The following LMCD1 variants were observed in gnomAD, a reference collection of about 807,000 sequenced individuals.
LMCD1 encodes LIM and cysteine rich domains 1, also known as LIM and cysteine-rich domains protein 1.
A neutral mutation model predicts 42.7 loss-of-function variants in LMCD1; 32 were observed. The ratio of observed to expected loss-of-function variants is 0.75; its 90% CI spans 0.57 to 1.01. LMCD1 has a LOEUF of 1.01. LMCD1 is among the 50% of genes least tolerant of loss of function. LMCD1 has a pLI of 0.00. For synonymous variants in LMCD1, 178 were observed against 184.9 expected (o/e 0.96, Z 0.30); for missense variants, 458 against 483.1 (o/e 0.95, Z 0.49).
At position 8,565,568 on chromosome 3, in the gene LMCD1, A is replaced by C; in HGVS notation, c.860A>C (p.Tyr287Ser). 1 of 1,613,904 alleles carries C rather than the reference A, an allele frequency of 6.2e-7. No individual in the cohort carries two copies. The highest frequency in any genetic ancestry group is 8.5e-7 in the Non-Finnish European group (1 of 1,179,966). Residue 287 changes from tyrosine (Y) to serine (S), a missense_variant, in exon 5 of 6, where the codon TAC becomes TCC. Physicochemically the swap from Tyr to Ser is moderately radical, Grantham distance 144. Coordinates refer to ENST00000157600, the MANE Select transcript of LMCD1 (RefSeq NM_014583.4). ...KCSEPLVDLIYFWKDGAPWCG... is the reference protein window; with the variant it reads ...KCSEPLVDLISFWKDGAPWCG... ...TCCGAGCCGCTGGTGGACCTCATCT[A>C]CTTCTGGAAGGATGGTGCACCCTGG...
intron 1 of LMCD1, among the ~76,000 whole-genome samples, chr3:8,524,148 GA>G (rs1354002521): frequency 7.1e-6 from 1 of 140,900 alleles, no homozygotes; most frequent in Non-Finnish European, 1.5e-5. Flanking sequence ...GTGGGAAAGT[GA>G]AAAAAGCCTT....
chr3:8,560,078 A>G (rs7639343), intron 4 of LMCD1, among the ~76,000 whole-genome samples: 38,067 of 151,504 alleles, frequency 0.25, 2,013 homozygotes, highest in East Asian at 0.41. Context: ...CTACAGTGCA[A>G]ATTAGAACCT....
At chr3:8,530,131 G>A (rs1193979773) in intron 1 of LMCD1, among the ~76,000 whole-genome samples, 1 of 152,084 alleles carries the variant, frequency 6.6e-6, no homozygotes, top group Admixed American at 6.6e-5. Flanking sequence ...TTAAAGGCTC[G>A]GGAGCCTCTA....
In LMCD1 at chr3:8,550,885, G is replaced by A. The variant is rs955704514; in HGVS notation, c.723+1982G>A. ...CCAAGAGACATGTGGATCTGACATC[G>A]TGTTTTATTCTTGACTGAGCCTCGC... On this transcript the variant is annotated intron_variant, in intron 4 of 5. Transcript: ENST00000157600. 4.1e-6 allele frequency: 4 copies of A among 985,090 alleles called. No homozygotes were observed. The Admixed American group carries it at 1.8e-4, about 46-fold the overall frequency. 61.0% of individuals were successfully genotyped at this position (985,090 alleles called of 1,614,324 possible).
chr3:8,531,171 C>T (rs1277856126), intron 1 of LMCD1, among the ~76,000 whole-genome samples: 1 of 152,182 alleles, frequency 6.6e-6, no homozygotes, highest in African/African-American at 2.4e-5. Flanking sequence ...CTTGTATTTT[C>T]CCTCTTAAAT....
chr3:8,545,150 A>G (rs1338245455), intron 3 of LMCD1, among the ~76,000 whole-genome samples: 1 of 152,176 alleles, frequency 6.6e-6, no homozygotes, highest in Admixed American at 6.5e-5. Flanking sequence ...TAATTAATAA[A>G]CCATGAAATA....
chr3:8,513,113 T>C (rs879898974), intron 1 of LMCD1, among the ~76,000 whole-genome samples: 1 of 152,214 alleles, frequency 6.6e-6, no homozygotes, highest in Non-Finnish European at 1.5e-5. Context: ...AGCTAAAATT[T>C]CTCTGTATGT....
chr3:8,504,699 C>A (rs1389428489), intron 1 of LMCD1, among the ~76,000 whole-genome samples: 1 of 152,188 alleles, frequency 6.6e-6, no homozygotes, highest in East Asian at 1.9e-4. Flanking sequence ...ATGCTTCCAC[C>A]GGCTGCTCTT....
chr3:8,502,378 TAA>T (rs1185094179), intron 1 of LMCD1, among the ~76,000 whole-genome samples: 3 of 91,208 alleles, frequency 3.3e-5, no homozygotes, highest in African/African-American at 4.7e-5. Context: ...AAAATATATA[TAA>T]TATATATTAT....
chr3:8,534,862 G>A lies in LMCD1; in HGVS notation c.131+2037G>A, dbSNP rs189080155. On this transcript the variant is annotated intron_variant, in intron 2 of 5. Transcript: ENST00000157600. Reference sequence around the variant, plus strand: ...CTCATGTATAAAGTCCTAGAAATGTGCCTGGCCACATGAAGAGTGTGAATA... The same window carrying A: ...CTCATGTATAAAGTCCTAGAAATGTACCTGGCCACATGAAGAGTGTGAATA... 3.3e-5 allele frequency among the ~76,000 whole-genome samples: 5 copies of A among 152,288 alleles called. No individual in the cohort carries two copies. In the East Asian group the frequency reaches 9.6e-4, roughly 29 times the overall value.
intron 1 of LMCD1, among the ~76,000 whole-genome samples, chr3:8,520,913 C>T (rs553011460): frequency 1.1e-4 from 17 of 152,302 alleles, no homozygotes; most frequent in African/African-American, 3.1e-4. Flanking sequence ...CCTCAAATAA[C>T]GGGCTGACTT....
chr3:8,559,570 C>A (rs1694990788), intron 4 of LMCD1, among the ~76,000 whole-genome samples: 1 of 152,178 alleles, frequency 6.6e-6, no homozygotes, highest in African/African-American at 2.4e-5. Context: ...CCACCTGTTG[C>A]AATTTAGAAA....
chr3:8,534,027 T>G (rs556745350), intron 2 of LMCD1, among the ~76,000 whole-genome samples: 3 of 151,980 alleles, frequency 2.0e-5, no homozygotes, highest in South Asian at 4.2e-4. Context: ...TTCTCCACAC[T>G]TACTATATTT....
intron 4 of LMCD1, among the ~76,000 whole-genome samples, chr3:8,559,843 G>A (rs1433697705): frequency 2.6e-5 from 4 of 152,236 alleles, no homozygotes; most frequent in African/African-American, 7.2e-5. Context: ...TCCTTACCTG[G>A]ACATCTTGTT....
In LMCD1 at chr3:8,548,630, C is replaced by G; in HGVS notation, c.450C>G (p.Ala150=). The change falls in exon 4 of 6, where the codon GCC becomes GCG. Residue 150 remains alanine (A), a synonymous_variant. Transcript: ENST00000157600. ...AGCCAGTGACAGGCACAGAGGGTGCCTTTTACCGCCGCCGCCAGCTCATGC... is the reference window on the plus strand; with the variant it reads ...AGCCAGTGACAGGCACAGAGGGTGCGTTTTACCGCCGCCGCCAGCTCATGC... ...EKQPVTGTEG[A]FYRRRQLMHQ... 6.2e-7 allele frequency: 1 copy of G among 1,614,172 alleles called. No individual in the cohort carries two copies. Among genetic ancestry groups the G allele is most frequent in the Non-Finnish European group, 8.5e-7 (1 of 1,180,026 alleles).
At chr3:8,565,686 G>A (rs1431882246) in intron 5 of LMCD1, 39 bp downstream of exon 5, 8 of 1,530,364 alleles carry the variant, frequency 5.2e-6, no homozygotes, top group South Asian at 1.2e-5. Context: ...GGGCTTGAGG[G>A]ACACTGCTGA....
chr3:8,511,340 A>C (rs1240474544), intron 1 of LMCD1, among the ~76,000 whole-genome samples: 1 of 152,248 alleles, frequency 6.6e-6, no homozygotes, highest in African/African-American at 2.4e-5. Flanking sequence ...AACCTGTATT[A>C]CACAAATATT....
rs1574981104 is a variant in LMCD1 at position 8,572,388 on chromosome 3, T to C, written c.*4790T>C. 1 of 152,234 alleles carries C rather than the reference T, an allele frequency of 6.6e-6. No individual in the cohort carries two copies. Among genetic ancestry groups the C allele is most frequent in the Non-Finnish European group, 1.5e-5 (1 of 68,040 alleles). 9.4% of individuals were successfully genotyped at this position (152,234 alleles called of 1,614,324 possible). A position where few individuals can be genotyped will look rare whatever the true frequency, so the allele number is the denominator to read the frequency against. On this transcript the variant is annotated 3_prime_UTR_variant, in exon 6 of 6. Coordinates refer to ENST00000157600, the MANE Select transcript of LMCD1 (RefSeq NM_014583.4). ...GCCAGATTTTTCCATTGTAAAGTCATTCCTTTGTCCTTTGTATTTAATAAG... is the reference window on the plus strand; with the variant it reads ...GCCAGATTTTTCCATTGTAAAGTCACTCCTTTGTCCTTTGTATTTAATAAG...
chr3:8,512,115 G>A (rs935728470), intron 1 of LMCD1, among the ~76,000 whole-genome samples: 32 of 152,210 alleles, frequency 2.1e-4, no homozygotes, highest in African/African-American at 7.2e-4. Context: ...GCATGTGTGT[G>A]CACCCTGAGC....
Sources: gnomAD v4.1 joint callset for allele counts (sites outside exome capture counted in the v4.1 genomes callset) on GRCh38, gnomAD v4.1.1 for gene constraint, MANE v1.5 for transcripts, NCBI Gene and HGNC (gene_info 2026-07-23, HGNC 2026-07-21) for gene names.